PACRG: variants seen among roughly 807,000 people sequenced by gnomAD.
The protein encoded by PACRG is parkin coregulated.
PACRG carries 29 observed loss-of-function variants against 29.7 expected under a neutral mutation model. That is an observed-to-expected ratio of 0.98 (90% confidence interval 0.73 to 1.33). The LOEUF (loss-of-function observed/expected upper bound fraction) is 1.33. Among genes scored for constraint, PACRG ranks in the 40% most tolerant of loss-of-function variants. The pLI is 0.00. For missense variants in PACRG, 279 were observed against 316.2 expected, an observed-to-expected ratio of 0.88 and a Z score of 0.89; for synonymous variants, 116 against 118.7, an observed-to-expected ratio of 0.98 and a Z score of 0.15.
At chr6:163,256,904 G>A (rs1411443286) in intron 4 of PACRG, among the ~76,000 whole-genome samples, 1 of 152,204 alleles carries the variant, frequency 6.6e-6, no homozygotes, top group Non-Finnish European at 1.5e-5. Context: ...TCCTTCGAGA[G>A]GCTCTGAGGG....
At chr6:162,957,834 G>A (rs1800180910) in intron 2 of PACRG, among the ~76,000 whole-genome samples, 2 of 152,058 alleles carry the variant, frequency 1.3e-5, no homozygotes, top group South Asian at 4.1e-4. Context: ...CCAGTACCTA[G>A]AGACACAAAT....
At position 163,055,341 on chromosome 6, in the gene PACRG, T is replaced by C. The variant is rs868762413; in HGVS notation, c.292-6809T>C. Among the ~76,000 whole-genome samples, 2 of 107,852 alleles carry C rather than the reference T, an allele frequency of 1.9e-5. No homozygotes were observed. Among genetic ancestry groups the C allele is most frequent in the African/African-American group, 3.7e-5 (1 of 27,012 alleles). 70.8% of individuals were successfully genotyped at this position (107,852 alleles called of 152,430 possible). A position where few individuals can be genotyped will look rare whatever the true frequency, so the allele number is the denominator to read the frequency against. ...ACATATCCAGGTGTGCACACACACA[T>C]GCACACACACACGCACACACACGCA... On this transcript the variant is annotated intron_variant, in intron 2 of 4. Coordinates refer to ENST00000366888, the MANE Select transcript of PACRG (RefSeq NM_001080379.2). This position sits in a 1 kb window ranked among gnomAD's most constrained non-coding sequence, Gnocchi z 4.0.
intron 4 of PACRG, among the ~76,000 whole-genome samples, chr6:163,157,963 T>C (rs1778390322): frequency 6.6e-6 from 1 of 152,314 alleles, no homozygotes; most frequent in African/African-American, 2.4e-5. Context: ...TATTAGGACC[T>C]AAAGAATCCA....
chr6:162,970,288 C>A (rs369122870), intron 2 of PACRG, among the ~76,000 whole-genome samples: 4 of 152,128 alleles, frequency 2.6e-5, no homozygotes, highest in African/African-American at 9.7e-5. Context: ...GAGTCTCTTC[C>A]TGAAGGAAAG....
intron 4 of PACRG, among the ~76,000 whole-genome samples, chr6:163,302,803 T>C (rs2128190488): frequency 6.6e-6 from 1 of 152,250 alleles, no homozygotes; most frequent in African/African-American, 2.4e-5. Context: ...ATTGGTGAGT[T>C]TATCCATTTA....
At chr6:163,304,990 T>C (rs190429131) in intron 4 of PACRG, among the ~76,000 whole-genome samples, 25 of 152,294 alleles carry the variant, frequency 1.6e-4, no homozygotes, top group African/African-American at 6.0e-4. Flanking sequence ...TTAACTATGA[T>C]CCAGGAGGAA....
At chr6:163,155,416 C>A (rs9365540) in intron 4 of PACRG, among the ~76,000 whole-genome samples, 16,809 of 152,206 alleles carry the variant, frequency 0.11, 1,170 homozygotes, top group South Asian at 0.29. Context: ...AGGTATGGGA[C>A]GCTGGGGAGA....
intron 2 of PACRG, among the ~76,000 whole-genome samples, chr6:162,973,479 G>A (rs1801695459): frequency 6.6e-6 from 1 of 152,184 alleles, no homozygotes; most frequent in South Asian, 2.1e-4. Context: ...CTAACCTTTA[G>A]CACTGAATGT....
chr6:162,964,860 G>A (rs913583637), intron 2 of PACRG, among the ~76,000 whole-genome samples: 1 of 152,218 alleles, frequency 6.6e-6, no homozygotes, highest in Non-Finnish European at 1.5e-5. Flanking sequence ...TATTTAGGGA[G>A]GGTGGCATCT....
chr6:162,855,850 GCCTT>G (rs1791346038), intron 2 of PACRG, among the ~76,000 whole-genome samples: 1 of 152,100 alleles, frequency 6.6e-6, no homozygotes, highest in Non-Finnish European at 1.5e-5. Flanking sequence ...GATTTAACTG[GCCTT>G]CCTTGGGCAC....
At chr6:163,220,530 G>T (rs1436220746) in intron 4 of PACRG, among the ~76,000 whole-genome samples, 3 of 152,118 alleles carry the variant, frequency 2.0e-5, no homozygotes, top group African/African-American at 7.2e-5. Flanking sequence ...GACAGCGTTT[G>T]GGAAAACTCA....
At chr6:162,864,234 G>T (rs1792106876) in intron 2 of PACRG, among the ~76,000 whole-genome samples, 1 of 152,046 alleles carries the variant, frequency 6.6e-6, no homozygotes, top group South Asian at 2.1e-4. Context: ...CAAAATTTCT[G>T]ACTGCCAATT....
intron 4 of PACRG, among the ~76,000 whole-genome samples, chr6:163,245,958 T>C (rs1416462979): frequency 6.6e-6 from 1 of 152,116 alleles, no homozygotes; most frequent in African/African-American, 2.4e-5. Flanking sequence ...CTCTACTCCA[T>C]GGTCTTCATG....
intron 1 of PACRG, among the ~76,000 whole-genome samples, chr6:162,804,143 G>A (rs1041728977): frequency 3.4e-4 from 52 of 151,988 alleles, no homozygotes; most frequent in African/African-American, 1.2e-3. Flanking sequence ...AAGTTTAAAG[G>A]GAAAAGCACA....
At chr6:162,960,011 A>T (rs1800478412) in intron 2 of PACRG, among the ~76,000 whole-genome samples, 1 of 152,252 alleles carries the variant, frequency 6.6e-6, no homozygotes, top group Admixed American at 6.5e-5. Flanking sequence ...AAAAATGCTC[A>T]TCATCACTAA....
At chr6:162,896,876 GA>G (rs1795208394) in intron 2 of PACRG, among the ~76,000 whole-genome samples, 1 of 152,168 alleles carries the variant, frequency 6.6e-6, no homozygotes, top group Non-Finnish European at 1.5e-5. Context: ...TTATGAGAAG[GA>G]AATACATTTT....
intron 4 of PACRG, among the ~76,000 whole-genome samples, chr6:163,107,318 T>C (rs1407463636): frequency 1.3e-5 from 2 of 152,166 alleles, no homozygotes; most frequent in African/African-American, 4.8e-5. Context: ...CAGAGATGCA[T>C]TGAAAATAAA....
intron 3 of PACRG, among the ~76,000 whole-genome samples, chr6:163,074,197 A>T (rs894704982): frequency 6.6e-6 from 1 of 152,054 alleles, no homozygotes; most frequent in African/African-American, 2.4e-5. Flanking sequence ...ATGAATGGAT[A>T]AAAAAAATAT....
At chr6:163,149,082 C>G (rs796847883) in intron 4 of PACRG, among the ~76,000 whole-genome samples, 4 of 151,802 alleles carry the variant, frequency 2.6e-5, no homozygotes, top group African/African-American at 9.7e-5. Flanking sequence ...GTTTCCAGGC[C>G]CTGCAGGGCC....
Sources: gnomAD v4.1 joint callset for allele counts (sites outside exome capture counted in the v4.1 genomes callset) on GRCh38, gnomAD v4.1.1 for gene constraint, Gnocchi (gnomAD v3.1) non-coding constraint, MANE v1.5 for transcripts, NCBI Gene and HGNC (gene_info 2026-07-23, HGNC 2026-07-21) for gene names.